COL1A2: variants seen among roughly 807,000 people sequenced by gnomAD.
COL1A2 encodes the protein collagen alpha-2(I) chain.
COL1A2 carries 49 observed loss-of-function variants against 174.3 expected under a neutral mutation model. That is an observed-to-expected ratio of 0.28 (90% CI 0.22 to 0.36). The LOEUF is 0.36. COL1A2 is among the 10% of genes least tolerant of loss of function. COL1A2 has a pLI of 1.00. For missense variants in COL1A2, 1,438 were observed against 1,822.7 expected, an observed-to-expected ratio of 0.79 and a Z score of 3.84; for synonymous variants, 655 against 606.6, an observed-to-expected ratio of 1.08 and a Z score of -1.17.
intron 12 of COL1A2, 72 bp from the exon 13 acceptor site, chr7:94,407,775 G>A: frequency 7.4e-7 from 1 of 1,356,076 alleles, no homozygotes; most frequent in African/African-American, 1.4e-5. Flanking sequence ...AAAAAAAATA[G>A]AGTAAAATTG....
At chr7:94,421,763 A>T in intron 38 of COL1A2, 136 bp from the exon 39 acceptor site, 2 of 751,272 alleles carry the variant, frequency 2.7e-6, no homozygotes, top group Non-Finnish European at 4.8e-6. Context: ...AATGCCCTAT[A>T]TGAAGCTGCC....
At chr7:94,426,288 A>C in intron 45 of COL1A2, 135 bp from the exon 46 acceptor site, 1 of 895,334 alleles carries the variant, frequency 1.1e-6, no homozygotes, top group Non-Finnish European at 1.8e-6. Context: ...GCAGATTACC[A>C]GCAGAGGTGA....
At chr7:94,405,012 A>T (rs1400811287) in intron 9 of COL1A2, 120 bp downstream of exon 9, 1 of 1,194,060 alleles carries the variant, frequency 8.4e-7, no homozygotes, top group East Asian at 2.5e-5. Flanking sequence ...AGAACTCTTA[A>T]TGTATGGGAA....
intron 34 of COL1A2, among the ~76,000 whole-genome samples, chr7:94,419,805 A>G (rs1262112750): frequency 6.6e-6 from 1 of 152,214 alleles, no homozygotes; most frequent in Non-Finnish European, 1.5e-5. Flanking sequence ...CATGTTGCGC[A>G]TTAACAATAT....
intron 31 of COL1A2, chr7:94,417,521 C>T: frequency 1.7e-6 from 1 of 591,508 alleles, no homozygotes; most frequent in Non-Finnish European, 3.1e-6. Context: ...ACTCCCACTA[C>T]CCTCATCTCT....
intron 9 of COL1A2, 120 bp from the exon 10 acceptor site, chr7:94,405,079 T>C: frequency 8.8e-7 from 1 of 1,141,350 alleles, no homozygotes. Context: ...AGATTAAATA[T>C]ATATCTGGAT....
chr7:94,406,314 A>T lies in COL1A2; in HGVS notation c.594+11A>T, dbSNP rs767496342. ...GCTCCTGGTGTGAAGGTAAATATTA[A>T]ATTAGAAGCACTGTTTTTAAGCACT... On this transcript the variant is annotated intron_variant, in intron 12 of 51. Coordinates refer to ENST00000297268, the MANE Select transcript of COL1A2 (RefSeq NM_000089.4). 1 of 1,613,538 alleles carries T rather than the reference A, an allele frequency of 6.2e-7. No homozygotes were observed. Among genetic ancestry groups the T allele is most frequent in the Non-Finnish European group, 8.5e-7 (1 of 1,179,490 alleles).
At chr7:94,418,460 G>A (rs998530684) in intron 32 of COL1A2, 39 bp from the exon 33 acceptor site, 5 of 1,596,272 alleles carry the variant, frequency 3.1e-6, no homozygotes, top group African/African-American at 1.3e-5. Context: ...CAAAATTTTG[G>A]TCAGAAAACA....
chr7:94,426,345 A>T, intron 45 of COL1A2, 78 bp from the exon 46 acceptor site: 1 of 1,282,036 alleles, frequency 7.8e-7, no homozygotes, highest in Non-Finnish European at 1.1e-6. Flanking sequence ...TTGTAAACGA[A>T]TTAAGCAGTA....
chr7:94,401,535 A>G (rs745429540), intron 5 of COL1A2, 32 bp from the exon 6 acceptor site: 2 of 1,007,156 alleles, frequency 2.0e-6, no homozygotes, highest in Non-Finnish European at 2.6e-6. Flanking sequence ...TATTTTATAT[A>G]TATATATAAT....
Position 94,420,416 on chromosome 7 carries a change from C to G in COL1A2, c.2159C>G (p.Ala720Gly). The change falls in exon 36 of 52, where the codon GCT becomes GGT. Residue 720 changes from alanine (A) to glycine (G), a missense_variant. Ala to Gly is a moderately conservative substitution (Grantham distance 60, BLOSUM62 0). Coordinates refer to ENST00000297268, the MANE Select transcript of COL1A2 (RefSeq NM_000089.4). ...GGTGAACGTGGTGAGGTCGGTCCTG[C>G]TGGCCCCAATGGATTTGCTGGTCCT... ...SPGERGEVGP[A>G]GPNGFAGPAG... 6.2e-7 allele frequency: 1 copy of G among 1,614,174 alleles called. No homozygotes were observed. Among genetic ancestry groups the G allele is most frequent in the Non-Finnish European group, 8.5e-7 (1 of 1,180,026 alleles).
chr7:94,400,831 G>C (rs957168418), intron 5 of COL1A2, among the ~76,000 whole-genome samples: 1 of 152,120 alleles, frequency 6.6e-6, no homozygotes, highest in Non-Finnish European at 1.5e-5. Context: ...CTGCAGGAAG[G>C]AAAACATATT....
chr7:94,409,680 C>A (rs1791877542), intron 18 of COL1A2, 43 bp from the exon 19 acceptor site: 1 of 1,612,248 alleles, frequency 6.2e-7, no homozygotes, highest in East Asian at 2.2e-5. Flanking sequence ...GCCTCTACAG[C>A]CCATCACCTC....
chr7:94,417,518 C>G, intron 31 of COL1A2: 1 of 584,374 alleles, frequency 1.7e-6, no homozygotes, highest in Non-Finnish European at 3.1e-6. Flanking sequence ...TGCACTCCCA[C>G]TACCCTCATC....
Position 94,427,648 on chromosome 7 carries a change from C to T in COL1A2, c.3289C>T (p.Pro1097Ser). ...GPAGPPGPPGPPGPPGVSGGG... is the reference protein window; with the variant it reads ...GPAGPPGPPGSPGPPGVSGGG... ...GCAGGGCCCCCCTGGTCCCCCTGGC[C>T]CTCCTGGACCTCCAGGTGTAAGCGG... Residue 1097 changes from proline (P) to serine (S), a missense_variant, in exon 49 of 52, where the codon CCT becomes TCT. Physicochemically the swap from Pro to Ser is moderately conservative, Grantham distance 74 (BLOSUM62 -1). This residue lies in a region of COL1A2 where 867 missense variants were observed against 1,213.7 expected (regional missense o/e 0.71). Coordinates refer to ENST00000297268, the MANE Select transcript of COL1A2 (RefSeq NM_000089.4). 6.2e-7 allele frequency: 1 copy of T among 1,614,140 alleles called. No individual in the cohort carries two copies.
chr7:94,395,552 T>C, intron 1 of COL1A2: 2 of 294,996 alleles, frequency 6.8e-6, no homozygotes, highest in South Asian at 3.2e-5. Flanking sequence ...CCTAAGAGCT[T>C]TTATCTTCTG....
intron 41 of COL1A2, chr7:94,424,662 T>G: frequency 3.6e-6 from 2 of 556,622 alleles, no homozygotes; most frequent in Non-Finnish European, 6.4e-6. Flanking sequence ...GCAGAATGAT[T>G]TTTGTTCTTT....
rs531785983 is a variant in COL1A2 at position 94,428,213 on chromosome 7, G to A, written c.3527-80G>A. On this transcript the variant is annotated intron_variant, in intron 49 of 51. Coordinates refer to ENST00000297268, the MANE Select transcript of COL1A2 (RefSeq NM_000089.4). ...TCAAAAATGTTACTTATGAGAGTCA[G>A]TATCTTTCATTAGTTATTATTAGAA... 51 of 1,187,244 alleles carry A rather than the reference G, an allele frequency of 4.3e-5. No individual in the cohort carries two copies. The African/African-American group carries it at 6.9e-4, about 16-fold the overall frequency. 73.5% of individuals were successfully genotyped at this position (1,187,244 alleles called of 1,614,324 possible).
intron 40 of COL1A2, 40 bp from the exon 41 acceptor site, chr7:94,424,296 G>GTATTAT: frequency 6.5e-7 from 1 of 1,547,666 alleles, no homozygotes; most frequent in Non-Finnish European, 8.9e-7. Flanking sequence ...TTATCACCTA[G>GTATTAT]GGTCTTACCC....
Sources: gnomAD v4.1 joint callset for allele counts (sites outside exome capture counted in the v4.1 genomes callset) on GRCh38, gnomAD v4.1.1 for gene constraint, gnomAD v4.1.1 regional missense constraint, MANE v1.5 for transcripts, NCBI Gene and HGNC (gene_info 2026-07-23, HGNC 2026-07-21) for gene names.